The following TBC1D5 variants were observed in gnomAD, a reference collection of about 807,000 sequenced individuals.
TBC1D5 encodes TBC1 domain family member 5.
TBC1D5 carries 75 observed loss-of-function variants against 100.3 expected under a neutral mutation model. The observed-to-expected ratio is 0.75, with a 90% CI of 0.62 to 0.91. The LOEUF (loss-of-function observed/expected upper bound fraction) is 0.91, where lower values mean the gene tolerates loss of function less well. Among genes scored for constraint, TBC1D5 ranks in the 40% least tolerant of loss-of-function variants. The pLI is 0.00. For missense variants in TBC1D5, 910 were observed against 942.4 expected (o/e 0.97, Z 0.45); for synonymous variants, 323 against 325.6 (o/e 0.99, Z 0.09).
chr3:17,190,538 T>A (rs2069743027), intron 18 of TBC1D5, among the ~76,000 whole-genome samples: 3 of 151,972 alleles, frequency 2.0e-5, no homozygotes. Flanking sequence ...CGAGCTGAGG[T>A]TCAGCAGAAA....
intron 14 of TBC1D5, among the ~76,000 whole-genome samples, chr3:17,299,346 A>G (rs1386999784): frequency 6.6e-6 from 1 of 152,108 alleles, no homozygotes; most frequent in Non-Finnish European, 1.5e-5. Context: ...TTATTTTTGG[A>G]ATTTTCCATT....
chr3:17,322,726 TAAA>T (rs1003639268), intron 13 of TBC1D5, among the ~76,000 whole-genome samples: 2 of 152,192 alleles, frequency 1.3e-5, no homozygotes, highest in African/African-American at 2.4e-5. Flanking sequence ...AAGTGTTTGC[TAAA>T]TAGTAAGTTG....
chr3:17,605,172 C>G (rs1284487371), intron 2 of TBC1D5, among the ~76,000 whole-genome samples: 1 of 152,180 alleles, frequency 6.6e-6, no homozygotes, highest in East Asian at 1.9e-4. Context: ...CATACAATCA[C>G]CAATCTCAGG....
At chr3:17,211,126 G>C (rs985654392) in intron 18 of TBC1D5, among the ~76,000 whole-genome samples, 13 of 151,960 alleles carry the variant, frequency 8.6e-5, no homozygotes, top group African/African-American at 3.1e-4. Flanking sequence ...GGTGATCTTT[G>C]GCTGTCTTGT....
chr3:17,690,695 G>A (rs987086230), intron 1 of TBC1D5, among the ~76,000 whole-genome samples: 2 of 152,112 alleles, frequency 1.3e-5, no homozygotes, highest in Non-Finnish European at 1.5e-5. Context: ...TTTGTGAACT[G>A]TACATGTGAG....
At chr3:17,417,114 T>C (rs1379525382) in intron 4 of TBC1D5, among the ~76,000 whole-genome samples, 2 of 152,142 alleles carry the variant, frequency 1.3e-5, no homozygotes, top group African/African-American at 2.4e-5. Flanking sequence ...CATGAGAAGT[T>C]TGTGTCTAGA....
chr3:17,411,008 T>C (rs918596555), intron 4 of TBC1D5, among the ~76,000 whole-genome samples: 3 of 152,156 alleles, frequency 2.0e-5, no homozygotes, highest in Non-Finnish European at 4.4e-5. Context: ...AATCTCATGC[T>C]ACAGAGAAAT....
At chr3:17,601,682 T>C (rs750993747) in intron 2 of TBC1D5, among the ~76,000 whole-genome samples, 43 of 152,188 alleles carry the variant, frequency 2.8e-4, no homozygotes, top group Non-Finnish European at 4.6e-4. Context: ...TTTAGAAACT[T>C]GTCATTTCAT....
chr3:17,737,035 A>C (rs1023857065), intron 1 of TBC1D5, among the ~76,000 whole-genome samples: 1 of 152,018 alleles, frequency 6.6e-6, no homozygotes, highest in Non-Finnish European at 1.5e-5. Context: ...AGACAAAAAA[A>C]ACACTTCCCA....
rs961599075 is a variant in TBC1D5 at position 17,285,538 on chromosome 3, G to T, written c.1245+6357C>A. ...GCCTCCCAAAGTGCTGGGATTACAGGCGTGAGCCACCGCGCCCGGCCGGAT... is the reference window on the plus strand; with the variant it reads ...GCCTCCCAAAGTGCTGGGATTACAGTCGTGAGCCACCGCGCCCGGCCGGAT... On this transcript the variant is annotated intron_variant, in intron 15 of 21. Coordinates refer to ENST00000253692, the Ensembl canonical transcript of TBC1D5. 7.2e-5 allele frequency among the ~76,000 whole-genome samples: 11 copies of T among 152,050 alleles called. No individual in the cohort carries two copies. The East Asian group carries it at 1.7e-3, about 24-fold the overall frequency.
At chr3:17,695,968 T>C (rs117523878) in intron 1 of TBC1D5, among the ~76,000 whole-genome samples, 2,524 of 152,194 alleles carry the variant, frequency 0.017, 52 homozygotes, top group South Asian at 0.048. Flanking sequence ...CACTACTACA[T>C]GGAAAATGAA....
chr3:17,625,590 T>C (rs1182238029), intron 1 of TBC1D5, among the ~76,000 whole-genome samples: 1 of 152,152 alleles, frequency 6.6e-6, no homozygotes, highest in African/African-American at 2.4e-5. Flanking sequence ...TTTACATTCA[T>C]AATGTTCCTA....
rs543706896 is a variant in TBC1D5 at position 17,341,341 on chromosome 3, C to T, written c.995+30734G>A. On this transcript the variant is annotated intron_variant, in intron 13 of 21. Coordinates refer to ENST00000253692, the Ensembl canonical transcript of TBC1D5. ...CCTCCCGAGTAGCTGGGACTACAGG[C>T]GGCCGCCACCACGCCCGGCTAATTT... 1.1e-3 allele frequency among the ~76,000 whole-genome samples: 172 copies of T among 152,156 alleles called. 1 individual carries two copies. Among genetic ancestry groups the T allele is most frequent in the African/African-American group, 3.3e-3 (136 of 41,532 alleles).
At chr3:17,712,228 C>A (rs1177067130) in intron 1 of TBC1D5, among the ~76,000 whole-genome samples, 2 of 152,046 alleles carry the variant, frequency 1.3e-5, no homozygotes, top group Admixed American at 1.3e-4. Context: ...GAAACCCACA[C>A]AAAGTTGCTT....
exon 1 of TBC1D5, chr3:17,740,566 T>C (rs945716664): frequency 6.6e-6 from 1 of 152,204 alleles, no homozygotes; most frequent in East Asian, 1.9e-4. Context: ...TAAAGTGTTA[T>C]GAAGTTATGT....
chr3:17,451,837 T>C (rs1435994106), intron 3 of TBC1D5, among the ~76,000 whole-genome samples: 1 of 151,948 alleles, frequency 6.6e-6, no homozygotes, highest in East Asian at 1.9e-4. Flanking sequence ...GGAGAATCGC[T>C]GGAATCTGGG....
intron 15 of TBC1D5, among the ~76,000 whole-genome samples, chr3:17,281,616 G>T (rs775440898): frequency 1.3e-5 from 2 of 152,176 alleles, no homozygotes; most frequent in East Asian, 3.8e-4. Context: ...ATGTGTGCTT[G>T]AACTGGATGA....
intron 1 of TBC1D5, among the ~76,000 whole-genome samples, chr3:17,657,075 C>G (rs989228901): frequency 6.6e-6 from 1 of 151,968 alleles, no homozygotes; most frequent in African/African-American, 2.4e-5. Flanking sequence ...AAAAAAGGCC[C>G]GAATTTGAAC....
intron 16 of TBC1D5, among the ~76,000 whole-genome samples, chr3:17,239,701 C>A (rs1170929230): frequency 6.6e-6 from 1 of 152,034 alleles, no homozygotes; most frequent in African/African-American, 2.4e-5. Context: ...TATTTTGTCT[C>A]TTGGCCAGCA....
Sources: gnomAD v4.1 joint callset for allele counts (sites outside exome capture counted in the v4.1 genomes callset) on GRCh38, gnomAD v4.1.1 for gene constraint, MANE v1.5 for transcripts, NCBI Gene and HGNC (gene_info 2026-07-23, HGNC 2026-07-21) for gene names.